BRF1: variants seen among roughly 807,000 people sequenced by gnomAD.
The protein encoded by BRF1 is transcription factor IIIB 90 kDa subunit.
Under a neutral mutation model 81.7 loss-of-function variants are expected in BRF1, and 59 were observed. The ratio of observed to expected loss-of-function variants is 0.72; its 90% confidence interval spans 0.59 to 0.90. The LOEUF is 0.90. Among genes scored for constraint, BRF1 ranks in the 40% least tolerant of loss-of-function variants. The pLI, the probability that BRF1 is intolerant of heterozygous loss-of-function variation, is 0.00. For missense variants in BRF1, 1,050 were observed against 936.3 expected (o/e 1.12, Z -1.58); for synonymous variants, 491 against 395.6 (o/e 1.24, Z -2.86).
Position 105,221,672 on chromosome 14 carries a change from TGCATTC to T in BRF1, c.1285_1290del (p.Glu429_Cys430del). On this transcript the variant is annotated inframe_deletion, in exon 11 of 18. Coordinates refer to ENST00000547530, the MANE Select transcript of BRF1 (RefSeq NM_001519.4). ...CTGGGGTCGCTGCTCTGAGAGGAGA[TGCATTC>T]GCGGATGGAGTCTGAGATGCCCAGG... 6.2e-7 allele frequency: 1 copy of T among 1,611,464 alleles called. No individual in the cohort carries two copies. Among genetic ancestry groups the T allele is most frequent in the Non-Finnish European group, 8.5e-7 (1 of 1,179,826 alleles).
intron 3 of BRF1, among the ~76,000 whole-genome samples, chr14:105,262,116 G>A (rs1244783433): frequency 6.6e-5 from 10 of 152,338 alleles, no homozygotes; most frequent in East Asian, 3.9e-4. Flanking sequence ...ACAGGAGCCC[G>A]GCAGGCAGAC....
Position 105,249,771 on chromosome 14 carries a change from A to G in BRF1, c.544+2736T>C, listed in dbSNP as rs1201170777. On this transcript the variant is annotated intron_variant, in intron 5 of 17. Coordinates refer to ENST00000547530, the MANE Select transcript of BRF1 (RefSeq NM_001519.4). Reference sequence around the variant, plus strand: ...TTTCTGGAGACAAGTTTGGAAGCCAAGAACGCCTGCGTCCTGCTGTCCCAG... The same window carrying G: ...TTTCTGGAGACAAGTTTGGAAGCCAGGAACGCCTGCGTCCTGCTGTCCCAG... 9 of 1,613,886 alleles carry G rather than the reference A, an allele frequency of 5.6e-6. No individual in the cohort carries two copies. The East Asian group carries it at 1.1e-4, about 20-fold the overall frequency.
chr14:105,251,404 A>G (rs1274014434), intron 5 of BRF1, among the ~76,000 whole-genome samples: 1 of 152,154 alleles, frequency 6.6e-6, no homozygotes, highest in Non-Finnish European at 1.5e-5. Context: ...GACCCTGGGG[A>G]CTGTCACTAG....
Position 105,300,770 on chromosome 14 carries a change from A to C in BRF1, c.-141T>G. ...CGAGGCCCCGCTCCAGCCGATTCGC[A>C]GCCGCAGATTCGCCGCGCGCGCCCG... is the stretch of plus-strand genomic sequence containing the variant. On this transcript the variant is annotated 5_prime_UTR_variant, in exon 1 of 18. Transcript: ENST00000547530. 1.7e-6 allele frequency: 1 copy of C among 604,464 alleles called. No individual in the cohort carries two copies. Among genetic ancestry groups the C allele is most frequent in the Non-Finnish European group, 2.3e-6 (1 of 439,836 alleles). 37.4% of individuals were successfully genotyped at this position (604,464 alleles called of 1,614,324 possible).
intron 2 of BRF1, among the ~76,000 whole-genome samples, chr14:105,273,311 C>T (rs923677764): frequency 1.3e-5 from 2 of 152,236 alleles, no homozygotes; most frequent in South Asian, 2.1e-4. Flanking sequence ...CTTCCCCAAC[C>T]GCACAGAGTC....
chr14:105,214,241 G>A (rs1890650798), intron 15 of BRF1, among the ~76,000 whole-genome samples: 1 of 152,250 alleles, frequency 6.6e-6, no homozygotes, highest in Non-Finnish European at 1.5e-5. Flanking sequence ...TGGGCGCTGG[G>A]GCCCACAGCC....
Sources: gnomAD v4.1 joint callset for allele counts (sites outside exome capture counted in the v4.1 genomes callset) on GRCh38, gnomAD v4.1.1 for gene constraint, MANE v1.5 for transcripts, NCBI Gene and HGNC (gene_info 2026-07-23, HGNC 2026-07-21) for gene names.